The following ASAP1 variants were observed in gnomAD, a reference collection of about 807,000 sequenced individuals.
ASAP1 encodes ArfGAP with SH3 domain, ankyrin repeat and PH domain 1.
Under a neutral mutation model 145.2 loss-of-function variants are expected in ASAP1, and 43 were observed. The ratio of observed to expected loss-of-function variants is 0.30; its 90% CI spans 0.23 to 0.38. The LOEUF (loss-of-function observed/expected upper bound fraction) is 0.38. ASAP1 is among the 10% of genes least tolerant of loss of function. The pLI, the probability that ASAP1 is intolerant of heterozygous loss-of-function variation, is 1.00. For missense variants in ASAP1, 1,018 were observed against 1,355.3 expected (o/e 0.75, Z 3.91); for synonymous variants, 546 against 515.5 (o/e 1.06, Z -0.80).
intron 9 of ASAP1, among the ~76,000 whole-genome samples, chr8:130,173,858 A>C (rs1000702320): frequency 4.0e-5 from 6 of 151,820 alleles, no homozygotes; most frequent in South Asian, 2.1e-4. Context: ...AGATTGCCTG[A>C]GCTCAGGAGT....
chr8:130,082,241 A>G (rs1450599809), intron 25 of ASAP1, among the ~76,000 whole-genome samples: 3 of 152,258 alleles, frequency 2.0e-5, no homozygotes, highest in Non-Finnish European at 4.4e-5. Context: ...ATTTAATTTT[A>G]ATTAAACTAA....
intron 3 of ASAP1, among the ~76,000 whole-genome samples, chr8:130,343,996 ATT>A: frequency 6.6e-6 from 1 of 152,290 alleles, no homozygotes; most frequent in South Asian, 2.1e-4. Flanking sequence ...ACTTGTCCTC[ATT>A]TTCTACAAAG....
chr8:130,200,370 TG>T (rs1380883552), intron 5 of ASAP1, among the ~76,000 whole-genome samples: 2 of 152,166 alleles, frequency 1.3e-5, no homozygotes, highest in African/African-American at 2.4e-5. Flanking sequence ...CCAGGGGTAA[TG>T]GGGGAGAGGA....
intron 2 of ASAP1, among the ~76,000 whole-genome samples, chr8:130,369,189 G>C (rs1827099885): frequency 6.6e-6 from 1 of 152,190 alleles, no homozygotes; most frequent in African/African-American, 2.4e-5. Context: ...AAGTGTTTCA[G>C]ATATTTTTTT....
chr8:130,167,696 C>T, intron 10 of ASAP1, 74 bp from the exon 11 acceptor site: 1 of 1,072,618 alleles, frequency 9.3e-7, no homozygotes, highest in Non-Finnish European at 1.4e-6. Context: ...TCCAAAAATA[C>T]CACTCATCAA....
chr8:130,107,513 AAAATGTATGTATGTATGTATGT>A (rs1564965881), intron 24 of ASAP1, among the ~76,000 whole-genome samples: 28 of 117,280 alleles, frequency 2.4e-4, no homozygotes, highest in African/African-American at 9.4e-4. Flanking sequence ...TTTTTTTTAA[AAAATGTATGTATGTATGTATGT>A]ATGTATGTAT....
intron 20 of ASAP1, among the ~76,000 whole-genome samples, chr8:130,117,221 T>A (rs2097557699): frequency 6.6e-6 from 1 of 152,228 alleles, no homozygotes; most frequent in Admixed American, 6.5e-5. Context: ...TTCTTAACAT[T>A]TACATGTATT....
At chr8:130,353,846 C>T (rs1198343765) in intron 3 of ASAP1, among the ~76,000 whole-genome samples, 1 of 149,342 alleles carries the variant, frequency 6.7e-6, no homozygotes. Flanking sequence ...ACTGCAGCCT[C>T]GGCGACAGAG....
At chr8:130,335,285 T>C (rs901635722) in intron 3 of ASAP1, among the ~76,000 whole-genome samples, 3 of 152,200 alleles carry the variant, frequency 2.0e-5, no homozygotes, top group African/African-American at 7.2e-5. Flanking sequence ...CAGCCAAGCA[T>C]TTAAATAGAT....
At chr8:130,413,408 C>G (rs566096842) in intron 1 of ASAP1, among the ~76,000 whole-genome samples, 1 of 152,212 alleles carries the variant, frequency 6.6e-6, no homozygotes, top group African/African-American at 2.4e-5. Flanking sequence ...CACATTTTCA[C>G]ATTTTAGCAT....
intron 25 of ASAP1, among the ~76,000 whole-genome samples, chr8:130,081,156 G>A (rs1280527608): frequency 1.3e-5 from 2 of 152,234 alleles, no homozygotes; most frequent in Non-Finnish European, 2.9e-5. Context: ...GTGGGGAAGA[G>A]GGAGTAGGGA....
At chr8:130,170,227 C>T (rs1398500703) in intron 9 of ASAP1, among the ~76,000 whole-genome samples, 2 of 151,842 alleles carry the variant, frequency 1.3e-5, no homozygotes, top group South Asian at 2.1e-4. Context: ...CTCTTCGTTG[C>T]CCAGGCTGGA....
At chr8:130,422,744 G>C (rs1317977995) in intron 1 of ASAP1, among the ~76,000 whole-genome samples, 1 of 152,102 alleles carries the variant, frequency 6.6e-6, no homozygotes, top group African/African-American at 2.4e-5. Context: ...ACAGCAAGAG[G>C]CTTGGTCCTG....
intron 3 of ASAP1, among the ~76,000 whole-genome samples, chr8:130,349,369 C>G (rs1464783802): frequency 6.6e-6 from 1 of 152,194 alleles, no homozygotes; most frequent in Non-Finnish European, 1.5e-5. Flanking sequence ...TTCTCAGTTA[C>G]ACATGCAATT....
At chr8:130,055,464 G>A (rs1351214861) in intron 29 of ASAP1, among the ~76,000 whole-genome samples, 1 of 151,438 alleles carries the variant, frequency 6.6e-6, no homozygotes, top group South Asian at 2.1e-4. Context: ...CCACTGCGGG[G>A]TACCATACTC....
intron 3 of ASAP1, among the ~76,000 whole-genome samples, chr8:130,237,821 T>C (rs57213366): frequency 0.011 from 1,680 of 152,254 alleles, 28 homozygotes; most frequent in African/African-American, 0.039. Flanking sequence ...ATAGTCAATA[T>C]ACTTGGCACA....
At chr8:130,168,092 T>C (rs1382816090) in intron 10 of ASAP1, among the ~76,000 whole-genome samples, 1 of 152,294 alleles carries the variant, frequency 6.6e-6, no homozygotes, top group East Asian at 1.9e-4. Flanking sequence ...AACTGTAACC[T>C]GAACCATGTT....
chr8:130,129,825 C>G (rs866665729), intron 15 of ASAP1, among the ~76,000 whole-genome samples: 2 of 152,226 alleles, frequency 1.3e-5, no homozygotes, highest in Middle Eastern at 3.4e-3. Context: ...GAAAACTGAA[C>G]ATTTCAAAAC....
chr8:130,400,516 C>T (rs906896142), intron 2 of ASAP1, among the ~76,000 whole-genome samples: 7 of 151,112 alleles, frequency 4.6e-5, no homozygotes, highest in African/African-American at 1.2e-4. Context: ...CAGGTGGGCA[C>T]GGTGGCTCAC....
Sources: allele counts gnomAD v4.1 joint callset (sites outside exome capture counted in the v4.1 genomes callset), GRCh38; gene constraint gnomAD v4.1.1; transcripts MANE v1.5; gene names NCBI Gene and HGNC (gene_info 2026-07-23, HGNC 2026-07-21).